HSP90AA1: variants seen among roughly 807,000 people sequenced by gnomAD.
HSP90AA1 encodes heat shock protein HSP 90-alpha.
HSP90AA1 carries 18 observed loss-of-function variants against 73.3 expected under a neutral mutation model. That is an observed-to-expected ratio of 0.25 (90% CI 0.17 to 0.36). The LOEUF is 0.36. Ranked by LOEUF, HSP90AA1 falls within the 10% of genes least tolerant of loss-of-function variation. The probability of loss-of-function intolerance (pLI) is 1.00; values close to 1 mark genes in which losing one functional copy is unlikely to be tolerated. For synonymous variants in HSP90AA1, 477 were observed against 296.9 expected (o/e 1.61, Z -6.24); for missense variants, 704 against 874.2 (o/e 0.81, Z 2.45).
Position 102,085,443 on chromosome 14 carries a change from G to GA in HSP90AA1, c.530-13dup. 2 of 1,534,854 alleles carry GA rather than the reference G, an allele frequency of 1.3e-6. No individual in the cohort carries two copies. Among genetic ancestry groups the GA allele is most frequent in the Non-Finnish European group, 8.7e-7 (1 of 1,145,986 alleles). On this transcript the variant is annotated splice_polypyrimidine_tract_variant and intron_variant, in intron 3 of 10. Coordinates refer to ENST00000216281, the MANE Select transcript of HSP90AA1 (RefSeq NM_005348.4). ...ACCCATAGGTTCACCTGCAAGAGAA[G>GA]AAAGAAAAATTGACTTAATACATTC...
At chr14:102,139,049 C>T (rs2050137184) in intron 1 of HSP90AA1, among the ~76,000 whole-genome samples, 1 of 152,152 alleles carries the variant, frequency 6.6e-6, no homozygotes, top group Non-Finnish European at 1.5e-5. Context: ...GTCCCCGGTT[C>T]CCAAAGCGCT....
Position 102,081,537 on chromosome 14 carries a change from T to A in HSP90AA1, c.*175A>T, listed in dbSNP as rs186085934. 1 of 621,356 alleles carries A rather than the reference T, an allele frequency of 1.6e-6. No homozygotes were observed. The highest frequency in any genetic ancestry group is 2.8e-5 in the Admixed American group (1 of 35,880). The allele number at this position is 621,356 out of a possible 1,614,324, so 38.5% of individuals were successfully genotyped here. On this transcript the variant is annotated 3_prime_UTR_variant, in exon 11 of 11. Coordinates refer to ENST00000216281, the MANE Select transcript of HSP90AA1 (RefSeq NM_005348.4). ...AAAAGCATTACTAGCTCTGCTTTAG[T>A]GCCTAAGGTATCACAGCATCACTTA...
chr14:102,119,340 T>G (rs1332297836), intron 1 of HSP90AA1, among the ~76,000 whole-genome samples: 1 of 152,202 alleles, frequency 6.6e-6, no homozygotes, highest in East Asian at 1.9e-4. Context: ...ATGTATTTAA[T>G]TGTTCTTCTG....
In HSP90AA1 at chr14:102,083,251, T is replaced by A. The variant is rs1566718388; in HGVS notation, c.1538A>T (p.Lys513Ile). ...ANSAFVERLR[K>I]HGLEVIYMIE... ...CATATAGATCACTTCTAAGCCATGTTTCCGAAGACGTTCCACAAAGGCTGA... is the reference window on the plus strand; with the variant it reads ...CATATAGATCACTTCTAAGCCATGTATCCGAAGACGTTCCACAAAGGCTGA... The change falls in exon 9 of 11, where the codon AAA becomes ATA. Residue 513 changes from lysine (K) to isoleucine (I), a missense_variant. By Grantham distance (102) the Lys-to-Ile change is moderately radical. Transcript: ENST00000216281. The A allele has an allele frequency of 6.2e-7, 1 of 1,614,196 alleles. No individual in the cohort carries two copies. Among genetic ancestry groups the A allele is most frequent in the East Asian group, 2.2e-5 (1 of 44,886 alleles).
In HSP90AA1 at chr14:102,085,005, A is replaced by G; in HGVS notation, c.664-7T>C. The G allele has an allele frequency of 6.2e-7, 1 of 1,613,816 alleles. No homozygotes were observed. Among genetic ancestry groups the G allele is most frequent in the Non-Finnish European group, 8.5e-7 (1 of 1,179,826 alleles). ...TATCACGTTCCTTCTCCACCTTCAA[A>G]AGAAAACACGAAATCACATCACTGC... On this transcript the variant is annotated splice_region_variant and splice_polypyrimidine_tract_variant and intron_variant, in intron 4 of 10. Transcript: ENST00000216281.
chr14:102,083,457 T>C, intron 8 of HSP90AA1, 89 bp downstream of exon 8: 1 of 1,435,622 alleles, frequency 7.0e-7, no homozygotes, highest in Non-Finnish European at 9.8e-7. Flanking sequence ...ATACCAGTTG[T>C]AACAGTGCTA....
upstream of HSP90AA1, among the ~76,000 whole-genome samples, chr14:102,088,961 C>G (rs1021023528): frequency 6.6e-6 from 1 of 151,136 alleles, no homozygotes; most frequent in Admixed American, 6.6e-5. Context: ...GGCTCGAGGG[C>G]AATGGCACAA....
intron 1 of HSP90AA1, among the ~76,000 whole-genome samples, chr14:102,107,350 TAGTG>T (rs1234609055): frequency 2.0e-5 from 3 of 151,918 alleles, no homozygotes; most frequent in Non-Finnish European, 4.4e-5. Flanking sequence ...TTTTGAGACG[TAGTG>T]TTGCTCTATT....
upstream of HSP90AA1, among the ~76,000 whole-genome samples, chr14:102,087,472 G>T (rs1460934425): frequency 2.0e-5 from 3 of 151,990 alleles, no homozygotes; most frequent in Non-Finnish European, 2.9e-5. Context: ...GGAACGCGGG[G>T]CCGGGGTGGG....
chr14:102,138,372 A>G (rs960050999), intron 1 of HSP90AA1, among the ~76,000 whole-genome samples: 12 of 152,248 alleles, frequency 7.9e-5, no homozygotes, highest in Admixed American at 6.5e-4. Context: ...AGTTTGGGAT[A>G]TAGCCATGGT....
upstream of HSP90AA1, chr14:102,087,075 G>A (rs1337948125): frequency 7.1e-6 from 7 of 984,862 alleles, no homozygotes; most frequent in Non-Finnish European, 7.2e-6. Context: ...GCCTTATATA[G>A]CGACGGGCCC....
chr14:102,082,397 T>C lies in HSP90AA1; in HGVS notation c.1803A>G (p.Thr601=), dbSNP rs1183319643. Residue 601 remains threonine (T), a synonymous_variant, in exon 10 of 11, where the codon ACA becomes ACG. Coordinates refer to ENST00000216281, the MANE Select transcript of HSP90AA1 (RefSeq NM_005348.4). ...TGTTTGCTGTCCAGCCATATGTGCT[T>C]GTGACAATACAGCATGGAGATGTCA... is the stretch of plus-strand genomic sequence containing the variant. ...RLVTSPCCIV[T]STYGWTANME... The C allele has an allele frequency of 2.5e-6, 4 of 1,613,776 alleles. No homozygotes were observed. Among genetic ancestry groups the C allele is most frequent in the East Asian group, 2.2e-5 (1 of 44,896 alleles).
chr14:102,138,012 AG>A (rs201102946), intron 1 of HSP90AA1, among the ~76,000 whole-genome samples: 108 of 149,292 alleles, frequency 7.2e-4, no homozygotes, highest in Admixed American at 1.0e-3. Flanking sequence ...ACTCCATCTA[AG>A]AAAAAAAAAA....
chr14:102,081,746 T>C lies in HSP90AA1; in HGVS notation c.2165A>G (p.Asp722Gly). ...TTCTTCCATGCGTGATGTGTCGTCA[T>C]CTCCTTCAAGGGGTGGCATTTCTTC... The part of the protein sequence containing the change: ...VTEEMPPLEG[D>G]DDTSRMEEVD Residue 722 changes from aspartate (D) to glycine (G), a missense_variant, in exon 11 of 11, where the codon GAT becomes GGT. Asp to Gly is a moderately conservative substitution (Grantham distance 94). Transcript: ENST00000216281. The C allele has an allele frequency of 1.9e-6, 3 of 1,591,238 alleles. No individual in the cohort carries two copies. The African/African-American group carries it at 4.0e-5, about 21-fold the overall frequency.
At chr14:102,138,997 C>T (rs1595691482) in intron 1 of HSP90AA1, among the ~76,000 whole-genome samples, 1 of 152,090 alleles carries the variant, frequency 6.6e-6, no homozygotes, top group African/African-American at 2.4e-5. Context: ...AAGAGCTCTT[C>T]GTAACCTACT....
At chr14:102,125,548 A>G (rs971811377) in intron 1 of HSP90AA1, among the ~76,000 whole-genome samples, 4 of 152,216 alleles carry the variant, frequency 2.6e-5, no homozygotes, top group African/African-American at 9.6e-5. Flanking sequence ...TATTTACCTG[A>G]AAGCCAAATA....
At chr14:102,088,493 T>G (rs1052692187), upstream of HSP90AA1, among the ~76,000 whole-genome samples, 3 of 152,156 alleles carry the variant, frequency 2.0e-5, no homozygotes, top group Non-Finnish European at 4.4e-5. Flanking sequence ...TAAGAGCGTG[T>G]GAAATCAACA....
chr14:102,088,066 G>C (rs2049292833), upstream of HSP90AA1, among the ~76,000 whole-genome samples: 1 of 148,612 alleles, frequency 6.7e-6, no homozygotes, highest in South Asian at 2.2e-4. Context: ...TCCCGCCTCA[G>C]CTTTCCCAGT....
Position 102,083,085 on chromosome 14 carries a change from A to C in HSP90AA1, c.1704T>G (p.Phe568Leu). ...KKKQEEKKTK[F>L]ENLCKIMKDI... Reference sequence around the variant, plus strand: ...CTTTCATGATTTTGCAGAGGTTCTCAAACTTTGTTTTTTTCTCTTCCTGCT... The same window carrying C: ...CTTTCATGATTTTGCAGAGGTTCTCCAACTTTGTTTTTTTCTCTTCCTGCT... Residue 568 changes from phenylalanine (F) to leucine (L), a missense_variant, in exon 9 of 11, where the codon TTT becomes TTG. Coordinates refer to ENST00000216281, the MANE Select transcript of HSP90AA1 (RefSeq NM_005348.4). 4 of 1,613,860 alleles carry C rather than the reference A, an allele frequency of 2.5e-6. No individual in the cohort carries two copies. The highest frequency in any genetic ancestry group is 3.4e-6 in the Non-Finnish European group (4 of 1,179,824).
Sources: allele counts gnomAD v4.1 joint callset (sites outside exome capture counted in the v4.1 genomes callset), GRCh38; gene constraint gnomAD v4.1.1; transcripts MANE v1.5; gene names NCBI Gene and HGNC (gene_info 2026-07-23, HGNC 2026-07-21).